The following TRABD2B variants were observed in gnomAD, a reference collection of about 807,000 sequenced individuals.
TRABD2B encodes TraB domain containing 2B, also known as metalloprotease TIKI2.
A neutral mutation model predicts 40.1 loss-of-function variants in TRABD2B; 14 were observed. The ratio of observed to expected loss-of-function variants is 0.35; its 90% CI spans 0.23 to 0.55. TRABD2B has a LOEUF of 0.55. Ranked by LOEUF, TRABD2B falls within the 20% of genes least tolerant of loss-of-function variation. The probability of loss-of-function intolerance (pLI) is 0.90; values close to 1 mark genes in which losing one functional copy is unlikely to be tolerated. For synonymous variants in TRABD2B, 263 were observed against 277.0 expected (o/e 0.95, Z 0.50); for missense variants, 541 against 648.6 (o/e 0.83, Z 1.80).
At chr1:47,985,421 G>C (rs543707723) in intron 2 of TRABD2B, among the ~76,000 whole-genome samples, 2 of 152,396 alleles carry the variant, frequency 1.3e-5, no homozygotes, top group South Asian at 2.1e-4. Context: ...GAAGGTGACA[G>C]AGTGTCAGCA....
At chr1:47,832,162 C>T (rs1645258959) in intron 2 of TRABD2B, among the ~76,000 whole-genome samples, 1 of 152,132 alleles carries the variant, frequency 6.6e-6, no homozygotes, top group African/African-American at 2.4e-5. Context: ...GAAGCCCCAT[C>T]TCTACTAAAA....
In TRABD2B at chr1:47,995,426, A is replaced by C. The variant is rs548502973; in HGVS notation, c.103-829T>G. Among the ~76,000 whole-genome samples, 3 of 152,250 alleles carry C rather than the reference A, an allele frequency of 2.0e-5. No homozygotes were observed. The South Asian group carries it at 6.2e-4, about 32-fold the overall frequency. ...TACTTTCCAGGCTCCTCCCCTAAAA[A>C]TGTATACCTGATTTCCAACCCCAGT... is the stretch of plus-strand genomic sequence containing the variant. On this transcript the variant is annotated intron_variant, in intron 1 of 6. Transcript: ENST00000606738.
In TRABD2B at chr1:47,996,944, G is replaced by A; in HGVS notation, c.-155C>T. On this transcript the variant is annotated 5_prime_UTR_variant, in exon 1 of 7. Transcript: ENST00000606738. This position sits in a 1 kb window ranked among gnomAD's most constrained non-coding sequence, Gnocchi z 4.6. The stretch of plus-strand genomic sequence containing the variant: ...TGGGGCGTGGCTGACTGTCCCTGTC[G>A]GACCTGGGGGTTTCTCTGGGGCCGG... 1 of 1,117,510 alleles carries A rather than the reference G, an allele frequency of 8.9e-7. No homozygotes were observed. The highest frequency in any genetic ancestry group is 1.1e-6 in the Non-Finnish European group (1 of 915,788). 69.2% of individuals were successfully genotyped at this position (1,117,510 alleles called of 1,614,324 possible).
intron 4 of TRABD2B, 141 bp downstream of exon 4, chr1:47,794,445 G>T: frequency 1.1e-6 from 1 of 890,210 alleles, no homozygotes; most frequent in Non-Finnish European, 1.6e-6. Context: ...CTTGGATCTC[G>T]GTGCTGCTGC....
intron 3 of TRABD2B, 39 bp from the exon 4 acceptor site, chr1:47,794,799 T>TG: frequency 1.4e-6 from 2 of 1,454,364 alleles, no homozygotes; most frequent in Non-Finnish European, 1.8e-6. Context: ...AGTTTTTTTT[T>TG]TTTTTTTTTT....
At position 47,884,763 on chromosome 1, in the gene TRABD2B, G is replaced by A. The variant is rs570772467; in HGVS notation, c.667-83144C>T. 1.2e-4 allele frequency among the ~76,000 whole-genome samples: 18 copies of A among 151,922 alleles called. 1 individual carries two copies. The South Asian group carries it at 2.5e-3, about 21-fold the overall frequency. ...CCCAAGTAGCTGGGACTACAGGTGC[G>A]CGCCACTATGCCCGGCTAATTTTTG... On this transcript the variant is annotated intron_variant, in intron 2 of 6. Coordinates refer to ENST00000606738, the MANE Select transcript of TRABD2B (RefSeq NM_001194986.2).
At chr1:47,816,640 C>T (rs1645036015) in intron 2 of TRABD2B, among the ~76,000 whole-genome samples, 1 of 152,170 alleles carries the variant, frequency 6.6e-6, no homozygotes, top group Non-Finnish European at 1.5e-5. Flanking sequence ...ACACTCCTTC[C>T]CTGATCCCCC....
At chr1:47,976,344 C>G (rs1570401689) in intron 2 of TRABD2B, among the ~76,000 whole-genome samples, 1 of 152,164 alleles carries the variant, frequency 6.6e-6, no homozygotes, top group East Asian at 1.9e-4. Context: ...TCTCCCCAAC[C>G]CCTTCCTTTG....
intron 2 of TRABD2B, among the ~76,000 whole-genome samples, chr1:47,933,852 A>C (rs1277481718): frequency 6.6e-6 from 1 of 152,196 alleles, no homozygotes; most frequent in East Asian, 1.9e-4. Context: ...AACAACAGAA[A>C]TGTTCTGTGT....
chr1:47,869,905 G>GGC (rs1644116879), intron 2 of TRABD2B, among the ~76,000 whole-genome samples: 1 of 151,718 alleles, frequency 6.6e-6, no homozygotes, highest in African/African-American at 2.4e-5. Context: ...GGGTGGTGGA[G>GGC]GGGGAGATTC....
chr1:47,950,635 G>A (rs115443910), intron 2 of TRABD2B, among the ~76,000 whole-genome samples: 2,664 of 152,284 alleles, frequency 0.017, 77 homozygotes, highest in African/African-American at 0.06. Flanking sequence ...AAGTCACAAG[G>A]GAAGTGAGAA....
At chr1:47,951,972 C>T (rs1389685425) in intron 2 of TRABD2B, among the ~76,000 whole-genome samples, 2 of 152,232 alleles carry the variant, frequency 1.3e-5, no homozygotes. Context: ...ATTGCCTGAT[C>T]CCATAGGAGC....
intron 2 of TRABD2B, among the ~76,000 whole-genome samples, chr1:47,991,515 A>G (rs1646010647): frequency 6.6e-6 from 1 of 152,098 alleles, no homozygotes; most frequent in South Asian, 2.1e-4. Context: ...CTAACAATAG[A>G]CCTGATCTTC....
At chr1:47,974,367 G>C (rs1271433933) in intron 2 of TRABD2B, among the ~76,000 whole-genome samples, 1 of 151,998 alleles carries the variant, frequency 6.6e-6, no homozygotes. Flanking sequence ...GGTGTTCATG[G>C]CTGGCTCCTC....
At chr1:47,930,956 C>T (rs1433665198) in intron 2 of TRABD2B, among the ~76,000 whole-genome samples, 2 of 152,178 alleles carry the variant, frequency 1.3e-5, no homozygotes, top group Non-Finnish European at 2.9e-5. Flanking sequence ...AAACCGTGGC[C>T]ACCTTCAATC....
rs753332336 is a variant in TRABD2B at position 47,886,813 on chromosome 1, T to TTC, written c.667-85196_667-85195dup. 1.6e-3 allele frequency among the ~76,000 whole-genome samples: 243 copies of TTC among 152,354 alleles called. 2 individuals are homozygous for TTC. Among genetic ancestry groups the TTC allele is most frequent in the Middle Eastern group, 3.4e-3 (1 of 294 alleles). ...TTCTAAACAGTTTTTCAAACAGTTT[T>TTC]TCTCTTGTACATCCAAAGGGCCTGC... On this transcript the variant is annotated intron_variant, in intron 2 of 6. Coordinates refer to ENST00000606738, the MANE Select transcript of TRABD2B (RefSeq NM_001194986.2).
intron 4 of TRABD2B, among the ~76,000 whole-genome samples, chr1:47,783,409 G>A (rs1432857616): frequency 6.6e-6 from 1 of 152,200 alleles, no homozygotes; most frequent in Non-Finnish European, 1.5e-5. Context: ...CCAATTCACT[G>A]AGGACATCAG....
intron 2 of TRABD2B, among the ~76,000 whole-genome samples, chr1:47,871,301 G>A (rs951599103): frequency 3.3e-5 from 5 of 152,172 alleles, no homozygotes; most frequent in Non-Finnish European, 7.3e-5. Context: ...TACGCCGTCA[G>A]TGTGGCCCCT....
intron 2 of TRABD2B, among the ~76,000 whole-genome samples, chr1:47,810,357 A>T (rs1294148095): frequency 1.3e-5 from 2 of 152,050 alleles, no homozygotes; most frequent in Admixed American, 6.6e-5. Context: ...AGTTCGTGCC[A>T]TCACCCCCTG....
Sources: gnomAD v4.1 joint callset for allele counts (sites outside exome capture counted in the v4.1 genomes callset) on GRCh38, gnomAD v4.1.1 for gene constraint, Gnocchi (gnomAD v3.1) non-coding constraint, MANE v1.5 for transcripts, NCBI Gene and HGNC (gene_info 2026-07-23, HGNC 2026-07-21) for gene names.